CPXM2: variants seen among roughly 807,000 people sequenced by gnomAD.
CPXM2 encodes carboxypeptidase X, M14 family member 2, also known as inactive carboxypeptidase-like protein X2.
Under a neutral mutation model 86.1 loss-of-function variants are expected in CPXM2, and 66 were observed. The observed-to-expected ratio is 0.77, with a 90% CI of 0.63 to 0.94. The LOEUF is 0.94. CPXM2 is among the 40% of genes least tolerant of loss of function. The pLI, the probability that CPXM2 is intolerant of heterozygous loss-of-function variation, is 0.00. For missense variants in CPXM2, 948 were observed against 1,026.3 expected, an observed-to-expected ratio of 0.92 and a Z score of 1.04; for synonymous variants, 388 against 400.2, an observed-to-expected ratio of 0.97 and a Z score of 0.36.
At chr10:123,785,119 T>C (rs1348094066) in intron 6 of CPXM2, among the ~76,000 whole-genome samples, 1 of 152,200 alleles carries the variant, frequency 6.6e-6, no homozygotes, top group East Asian at 1.9e-4. Context: ...ATACTTTCAT[T>C]TTGATTTTCA....
In CPXM2 at chr10:123,756,991, T is replaced by C. The variant is rs181434722; in HGVS notation, c.1917+222A>G. On this transcript the variant is annotated intron_variant, in intron 12 of 13. Coordinates refer to ENST00000241305, the MANE Select transcript of CPXM2 (RefSeq NM_198148.3). ...CAGCATCAGAGAGCTCAGGAACCAG[T>C]CCCAATTGCTCCAGGCCAGTGGGGA... 4.7e-4 allele frequency among the ~76,000 whole-genome samples: 71 copies of C among 152,322 alleles called. 2 individuals are homozygous for C. The East Asian group carries it at 0.013, about 27-fold the overall frequency.
chr10:123,748,649 G>A (rs1846014443), intron 13 of CPXM2, among the ~76,000 whole-genome samples: 1 of 152,106 alleles, frequency 6.6e-6, no homozygotes, highest in Admixed American at 6.5e-5. Flanking sequence ...GCACTTCTTG[G>A]CGCTGTGTGC....
intron 13 of CPXM2, among the ~76,000 whole-genome samples, chr10:123,748,617 C>T (rs577393230): frequency 3.9e-5 from 6 of 152,158 alleles, no homozygotes; most frequent in Admixed American, 2.0e-4. Flanking sequence ...CCCAGGTACA[C>T]GCTCAGGTGG....
intron 2 of CPXM2, among the ~76,000 whole-genome samples, chr10:123,878,923 C>T (rs1945036095): frequency 6.6e-6 from 1 of 151,894 alleles, no homozygotes; most frequent in South Asian, 2.1e-4. Context: ...AGTCCTATTA[C>T]CCCCCATCTA....
At chr10:123,812,912 C>A (rs1488379200) in intron 4 of CPXM2, among the ~76,000 whole-genome samples, 1 of 152,088 alleles carries the variant, frequency 6.6e-6, no homozygotes, top group Non-Finnish European at 1.5e-5. Context: ...GCTGTTCTAG[C>A]CCTTTAGTTG....
At position 123,802,022 on chromosome 10, in the gene CPXM2, G is replaced by A. The variant is rs79315377; in HGVS notation, c.654-2823C>T. On this transcript the variant is annotated intron_variant, in intron 4 of 13. Transcript: ENST00000241305. ...GATACTGTCGTTCTCTCCCACTGAC[G>A]TATAAGCATCTCACAGATGGAGGAA... is the stretch of plus-strand genomic sequence containing the variant. 1.6e-4 allele frequency among the ~76,000 whole-genome samples: 25 copies of A among 152,292 alleles called. No individual in the cohort carries two copies. The East Asian group carries it at 3.7e-3, about 22-fold the overall frequency.
At chr10:123,762,855 CAAAG>C (rs1269426958) in intron 10 of CPXM2, among the ~76,000 whole-genome samples, 1 of 152,146 alleles carries the variant, frequency 6.6e-6, no homozygotes, top group East Asian at 1.9e-4. Flanking sequence ...TCGACAATGA[CAAAG>C]AACAGATATT....
intron 9 of CPXM2, among the ~76,000 whole-genome samples, chr10:123,767,493 T>A (rs1402960633): frequency 6.6e-6 from 1 of 152,186 alleles, no homozygotes; most frequent in Non-Finnish European, 1.5e-5. Flanking sequence ...AACTCATCAA[T>A]GGCCACCACA....
intron 4 of CPXM2, among the ~76,000 whole-genome samples, chr10:123,833,023 C>T (rs1455885977): frequency 6.6e-6 from 1 of 152,126 alleles, no homozygotes; most frequent in Non-Finnish European, 1.5e-5. Context: ...AAGAGGAGCC[C>T]TCAAAAGACA....
intron 6 of CPXM2, among the ~76,000 whole-genome samples, chr10:123,792,001 C>T (rs1348444685): frequency 2.0e-5 from 3 of 152,216 alleles, no homozygotes; most frequent in Non-Finnish European, 4.4e-5. Context: ...CCCCGTGTGA[C>T]CTGCCATCTC....
chr10:123,859,310 GCA>G (rs929604334), intron 3 of CPXM2, among the ~76,000 whole-genome samples: 9 of 152,234 alleles, frequency 5.9e-5, no homozygotes, highest in African/African-American at 1.7e-4. Context: ...TGTATTTTTG[GCA>G]CACACTGACT....
rs1846593983 is a variant in CPXM2 at position 123,770,172 on chromosome 10, G to A, written c.1102+744C>T. On this transcript the variant is annotated intron_variant, in intron 8 of 13. Coordinates refer to ENST00000241305, the MANE Select transcript of CPXM2 (RefSeq NM_198148.3). Reference sequence around the variant, plus strand: ...GCCTGTAATCCCAGCTACTCAGGAGGCTGAGGCAGGAGAATTGCTTGAACC... The same window carrying A: ...GCCTGTAATCCCAGCTACTCAGGAGACTGAGGCAGGAGAATTGCTTGAACC... Among the ~76,000 whole-genome samples the A allele has an allele frequency of 2.0e-5, 3 of 152,188 alleles. No individual in the cohort carries two copies. In the South Asian group the frequency reaches 6.2e-4, roughly 32 times the overall value.
At chr10:123,899,357 T>C (rs553451735) in intron 2 of CPXM2, among the ~76,000 whole-genome samples, 1 of 152,372 alleles carries the variant, frequency 6.6e-6, no homozygotes, top group East Asian at 1.9e-4. Flanking sequence ...AAAATCGACC[T>C]ATGTAATTTA....
chr10:123,782,936 C>G (rs377011473), intron 6 of CPXM2, among the ~76,000 whole-genome samples: 4 of 152,190 alleles, frequency 2.6e-5, no homozygotes, highest in African/African-American at 9.7e-5. Flanking sequence ...CCCATCAAAA[C>G]CAAGATGGTG....
intron 4 of CPXM2, among the ~76,000 whole-genome samples, chr10:123,830,184 A>C (rs547031980): frequency 1.7e-4 from 26 of 152,322 alleles, no homozygotes; most frequent in Admixed American, 7.2e-4. Flanking sequence ...TTTGCACAGC[A>C]AAAGGTGCCA....
chr10:123,796,099 G>C (rs1847330307), intron 6 of CPXM2, among the ~76,000 whole-genome samples: 2 of 152,190 alleles, frequency 1.3e-5, no homozygotes, highest in Admixed American at 1.3e-4. Flanking sequence ...GAGCCCAGCG[G>C]GTCCAGGATG....
At chr10:123,782,746 T>A (rs1044920247) in intron 6 of CPXM2, among the ~76,000 whole-genome samples, 12 of 152,160 alleles carry the variant, frequency 7.9e-5, no homozygotes, top group Admixed American at 1.3e-4. Context: ...CAGAGTTGTT[T>A]GAACCAGAGT....
intron 4 of CPXM2, among the ~76,000 whole-genome samples, chr10:123,822,762 A>T (rs1847956266): frequency 6.6e-6 from 1 of 151,488 alleles, no homozygotes; most frequent in Non-Finnish European, 1.5e-5. Flanking sequence ...AGAATTTTCC[A>T]GAATTGAAAA....
intron 2 of CPXM2, among the ~76,000 whole-genome samples, chr10:123,867,693 C>T (rs1006156165): frequency 1.3e-5 from 2 of 151,974 alleles, no homozygotes; most frequent in African/African-American, 2.4e-5. Flanking sequence ...CAACCATGCC[C>T]GGCTAATTTT....
Sources: gnomAD v4.1 joint callset for allele counts (sites outside exome capture counted in the v4.1 genomes callset) on GRCh38, gnomAD v4.1.1 for gene constraint, MANE v1.5 for transcripts, NCBI Gene and HGNC (gene_info 2026-07-23, HGNC 2026-07-21) for gene names.